ARHGEF3: variants seen among roughly 807,000 people sequenced by gnomAD.
The protein encoded by ARHGEF3 is Rho guanine nucleotide exchange factor 3.
Under a neutral mutation model 63.2 loss-of-function variants are expected in ARHGEF3, and 28 were observed. That is an observed-to-expected ratio of 0.44 (90% CI 0.33 to 0.61). The LOEUF is 0.61. Among genes scored for constraint, ARHGEF3 ranks in the 20% least tolerant of loss-of-function variants. The pLI is 0.03. For missense variants in ARHGEF3, 533 were observed against 659.3 expected, an observed-to-expected ratio of 0.81 and a Z score of 2.10; for synonymous variants, 266 against 254.2, an observed-to-expected ratio of 1.05 and a Z score of -0.44.
chr3:56,938,614 A>G (rs79510227), intron 3 of ARHGEF3: 2 of 152,360 alleles, frequency 1.3e-5, no homozygotes, highest in Non-Finnish European at 2.9e-5. Flanking sequence ...ATGAGCACGT[A>G]ACATACATGA....
intron 8 of ARHGEF3, among the ~76,000 whole-genome samples, chr3:56,733,712 A>G (rs772345404): frequency 6.6e-5 from 10 of 151,960 alleles, no homozygotes; most frequent in Non-Finnish European, 1.3e-4. Context: ...GGCTGGGCAC[A>G]GTGGCTCACG....
intron 1 of ARHGEF3, among the ~76,000 whole-genome samples, chr3:56,781,826 G>A (rs901886043): frequency 1.3e-5 from 2 of 152,224 alleles, no homozygotes; most frequent in Admixed American, 1.3e-4. Flanking sequence ...AGGTGTCACT[G>A]TTGTGGGGAA....
intron 3 of ARHGEF3, among the ~76,000 whole-genome samples, chr3:56,883,916 T>C (rs144228681): frequency 5.9e-5 from 9 of 152,308 alleles, no homozygotes; most frequent in African/African-American, 2.2e-4. Flanking sequence ...CTACTCTTTT[T>C]TATATTACTA....
At chr3:56,737,554 T>C (rs1578372653) in intron 7 of ARHGEF3, among the ~76,000 whole-genome samples, 199 bp from the exon 8 acceptor site, 1 of 151,950 alleles carries the variant, frequency 6.6e-6, no homozygotes, top group Admixed American at 6.6e-5. Flanking sequence ...TCTGTACACA[T>C]ACACACACAT....
intron 3 of ARHGEF3, among the ~76,000 whole-genome samples, chr3:56,923,688 T>C (rs2042209133): frequency 6.6e-6 from 1 of 152,042 alleles, no homozygotes; most frequent in African/African-American, 2.4e-5. Context: ...AACCAAGAGA[T>C]TTAAAAGCAT....
intron 1 of ARHGEF3, 135 bp downstream of exon 1, chr3:56,801,568 G>T (rs1464266554): frequency 3.3e-6 from 4 of 1,196,906 alleles, no homozygotes; most frequent in South Asian, 3.1e-5. Flanking sequence ...GATGTAGAGA[G>T]AGAAAGTGGC....
intron 1 of ARHGEF3, among the ~76,000 whole-genome samples, chr3:57,039,448 C>T (rs147520051): frequency 4.7e-4 from 72 of 152,298 alleles, no homozygotes; most frequent in African/African-American, 1.7e-3. Flanking sequence ...CACCAAGAGA[C>T]ATATTCTAGA....
intron 7 of ARHGEF3, among the ~76,000 whole-genome samples, chr3:56,738,493 T>C (rs1453797773): frequency 1.3e-5 from 2 of 152,154 alleles, no homozygotes; most frequent in South Asian, 2.1e-4. Context: ...TTCAGTGATA[T>C]AATATAAATG....
At chr3:56,813,659 A>G (rs1273220268) in intron 4 of ARHGEF3, among the ~76,000 whole-genome samples, 1 of 152,240 alleles carries the variant, frequency 6.6e-6, no homozygotes, top group Non-Finnish European at 1.5e-5. Context: ...CTCAAAAACT[A>G]AAAGGATCAG....
chr3:56,934,666 C>A (rs62251093), intron 3 of ARHGEF3, among the ~76,000 whole-genome samples: 15,684 of 152,270 alleles, frequency 0.1, 1,115 homozygotes, highest in Non-Finnish European at 0.15. Context: ...ACCAGCGCTG[C>A]GCTCGATTTC....
intron 1 of ARHGEF3, among the ~76,000 whole-genome samples, chr3:57,046,753 T>G (rs911398324): frequency 2.0e-5 from 3 of 152,152 alleles, no homozygotes; most frequent in Admixed American, 6.5e-5. Flanking sequence ...CACACAGAGC[T>G]GCCCTGGTTG....
rs115466613 is a variant in ARHGEF3, at chr3:56,746,467, C to A, written c.613-1005G>T. Among the ~76,000 whole-genome samples the A allele has an allele frequency of 4.8e-3, 732 of 152,294 alleles. 2 individuals are homozygous for A. The highest frequency in any genetic ancestry group is 0.016 in the African/African-American group (684 of 41,560). On this transcript the variant is annotated intron_variant, in intron 6 of 9. Transcript: ENST00000296315. ...AGTATGGCGGCCAGGCGCAGTGGCT[C>A]GTGCCTGTAATCCCAGCACATTGGG...
At chr3:56,902,329 C>T (rs1043465309) in intron 3 of ARHGEF3, among the ~76,000 whole-genome samples, 40 of 151,970 alleles carry the variant, frequency 2.6e-4, no homozygotes, top group African/African-American at 6.3e-4. Flanking sequence ...CATGTGTGTG[C>T]GCGCGTGTGT....
intron 2 of ARHGEF3, among the ~76,000 whole-genome samples, chr3:56,985,668 T>A (rs771617321): frequency 7.9e-5 from 12 of 151,994 alleles, no homozygotes; most frequent in Admixed American, 1.3e-4. Context: ...AGTGCACGGG[T>A]CCCTGGGAAC....
chr3:56,739,153 G>A (rs1412550137), intron 7 of ARHGEF3, among the ~76,000 whole-genome samples: 2 of 152,028 alleles, frequency 1.3e-5, no homozygotes. Flanking sequence ...TCCTTAGCAG[G>A]ATTCTCTGTC....
At chr3:56,889,660 A>C (rs573818770) in intron 3 of ARHGEF3, among the ~76,000 whole-genome samples, 2 of 152,332 alleles carry the variant, frequency 1.3e-5, no homozygotes, top group South Asian at 4.1e-4. Flanking sequence ...CTGACTGCCA[A>C]ACCACTGACC....
intron 4 of ARHGEF3, among the ~76,000 whole-genome samples, chr3:56,826,737 AC>A (rs1412605780): frequency 6.6e-6 from 1 of 152,060 alleles, no homozygotes; most frequent in African/African-American, 2.4e-5. Flanking sequence ...CAGATGGAAA[AC>A]CCCTACCAAA....
intron 6 of ARHGEF3, among the ~76,000 whole-genome samples, chr3:56,750,707 A>G (rs1464119531): frequency 6.7e-6 from 1 of 149,966 alleles, no homozygotes; most frequent in Non-Finnish European, 1.5e-5. Flanking sequence ...ATATATGTCA[A>G]TAAATTTTTA....
chr3:56,859,055 G>A (rs576048907), intron 4 of ARHGEF3, among the ~76,000 whole-genome samples: 1 of 152,326 alleles, frequency 6.6e-6, no homozygotes, highest in Non-Finnish European at 1.5e-5. Context: ...GAGATTATGG[G>A]AGTGATTTAT....
Sources: gnomAD v4.1 joint callset for allele counts (sites outside exome capture counted in the v4.1 genomes callset) on GRCh38, gnomAD v4.1.1 for gene constraint, MANE v1.5 for transcripts, NCBI Gene and HGNC (gene_info 2026-07-23, HGNC 2026-07-21) for gene names.